The following PCDH15 variants were observed in gnomAD, a reference collection of about 807,000 sequenced individuals.
PCDH15 encodes the protein protocadherin-15.
A neutral mutation model predicts 178.5 loss-of-function variants in PCDH15; 129 were observed. The observed-to-expected ratio is 0.72, with a 90% CI of 0.63 to 0.84. The LOEUF is 0.84. PCDH15 is among the 40% of genes least tolerant of loss of function. PCDH15 has a pLI of 0.00. For missense variants in PCDH15, 2,230 were observed against 2,099.9 expected (o/e 1.06, Z -1.21); for synonymous variants, 800 against 732.0 (o/e 1.09, Z -1.50).
At chr10:54,646,289 C>T (rs974350626) in intron 2 of PCDH15, among the ~76,000 whole-genome samples, 1 of 152,056 alleles carries the variant, frequency 6.6e-6, no homozygotes, top group African/African-American at 2.4e-5. Flanking sequence ...GAATACAAAA[C>T]TCACGTAAAT....
chr10:54,239,002 C>A (rs2054941298), intron 8 of PCDH15, among the ~76,000 whole-genome samples: 2 of 152,060 alleles, frequency 1.3e-5, no homozygotes, highest in African/African-American at 4.8e-5. Context: ...TTCTGCAGTT[C>A]CATTCTGCAT....
chr10:54,531,655 C>G (rs1183142040), intron 2 of PCDH15, among the ~76,000 whole-genome samples: 1 of 152,076 alleles, frequency 6.6e-6, no homozygotes, highest in Non-Finnish European at 1.5e-5. Context: ...TAACGTTGAT[C>G]AATGTGTTTT....
In PCDH15 at chr10:53,999,052, CAAAAAAAAAA is replaced by C. The variant is rs33951115; in HGVS notation, c.2752-3297_2752-3288del. The stretch of plus-strand genomic sequence containing the variant: ...TGGGTGACAGAGTGATACTCAGTCT[CAAAAAAAAAA>C]AAAAAAAAAAAGATATGTATATAGC... On this transcript the variant is annotated intron_variant, in intron 20 of 37. Coordinates refer to ENST00000644397, the MANE Select transcript of PCDH15 (RefSeq NM_001384140.1). Among the ~76,000 whole-genome samples, 4 of 92,510 alleles carry C rather than the reference CAAAAAAAAAA, an allele frequency of 4.3e-5. No homozygotes were observed. In the South Asian group the frequency reaches 1.1e-3, roughly 26 times the overall value. The allele number at this position is 92,510 out of a possible 152,430, so 60.7% of individuals were successfully genotyped here. A position where few individuals can be genotyped will look rare whatever the true frequency, so the allele number is the denominator to read the frequency against.
intron 3 of PCDH15, among the ~76,000 whole-genome samples, chr10:54,514,667 C>CAAAAAA (rs5785078): frequency 8.0e-6 from 1 of 124,390 alleles, no homozygotes; most frequent in African/African-American, 2.9e-5. Context: ...AAATAGACTT[C>CAAAAAA]AAAAAAAAAA....
intron 25 of PCDH15, among the ~76,000 whole-genome samples, 181 bp downstream of exon 25, chr10:53,938,634 T>G (rs954092185): frequency 6.6e-6 from 1 of 152,140 alleles, no homozygotes; most frequent in Admixed American, 6.6e-5. Context: ...TTCAGGAGTA[T>G]GAAATCACTC....
intron 2 of PCDH15, among the ~76,000 whole-genome samples, chr10:55,043,739 T>A (rs896640538): frequency 3.5e-4 from 50 of 143,644 alleles, no homozygotes; most frequent in Admixed American, 1.5e-3. Context: ...AATAAATAAA[T>A]AAAATAAATA....
At chr10:54,752,433 C>T (rs1946378388) in intron 1 of PCDH15, among the ~76,000 whole-genome samples, 1 of 145,536 alleles carries the variant, frequency 6.9e-6, no homozygotes, top group Non-Finnish European at 1.5e-5. Context: ...GCTGAGATCA[C>T]GCCACTGCAC....
chr10:54,243,503 C>T (rs114351711), intron 8 of PCDH15, among the ~76,000 whole-genome samples: 8,193 of 151,098 alleles, frequency 0.054, 576 homozygotes, highest in African/African-American at 0.16. Context: ...CAAGACTCAG[C>T]GTCAAAAAAA....
intron 18 of PCDH15, among the ~76,000 whole-genome samples, chr10:54,043,132 C>T (rs1184668610): frequency 5.9e-5 from 9 of 152,056 alleles, no homozygotes; most frequent in African/African-American, 1.7e-4. Context: ...GGTTTAATGC[C>T]ATATCTGTAT....
intron 37 of PCDH15, chr10:53,809,184 T>G: frequency 6.2e-7 from 1 of 1,613,992 alleles, no homozygotes; most frequent in Non-Finnish European, 8.5e-7. Context: ...ATTCCTCTTC[T>G]GTAGTCTCAG....
chr10:54,872,255 T>C (rs1410139811), intron 3 of PCDH15, among the ~76,000 whole-genome samples: 11 of 152,048 alleles, frequency 7.2e-5, no homozygotes, highest in Non-Finnish European at 1.5e-4. Flanking sequence ...GAGGTGTTCA[T>C]TTATTTCTTT....
chr10:55,537,590 C>G (rs1158505570), intron 2 of PCDH15, among the ~76,000 whole-genome samples: 1 of 152,024 alleles, frequency 6.6e-6, no homozygotes. Context: ...CACGTGCCAT[C>G]ACACCTGGCT....
chr10:54,471,108 T>C (rs914832967), intron 3 of PCDH15, among the ~76,000 whole-genome samples: 1 of 152,230 alleles, frequency 6.6e-6, no homozygotes, highest in Non-Finnish European at 1.5e-5. Context: ...GTATGTTACA[T>C]GTATTGTACA....
intron 2 of PCDH15, among the ~76,000 whole-genome samples, chr10:55,021,189 C>T (rs909783401): frequency 6.6e-6 from 1 of 152,110 alleles, no homozygotes; most frequent in African/African-American, 2.4e-5. Context: ...TTATATCTAA[C>T]CTTTGTTCAG....
intron 29 of PCDH15, among the ~76,000 whole-genome samples, chr10:53,835,118 G>T (rs970836319): frequency 1.3e-5 from 2 of 152,068 alleles, no homozygotes; most frequent in Non-Finnish European, 2.9e-5. Flanking sequence ...GTATTCCATT[G>T]ATTTGGATTT....
intron 2 of PCDH15, among the ~76,000 whole-genome samples, chr10:55,473,198 T>C (rs1839998907): frequency 6.6e-6 from 1 of 152,190 alleles, no homozygotes; most frequent in Admixed American, 6.5e-5. Context: ...GTTTGTGGAA[T>C]TGTTGCAATG....
intron 1 of PCDH15, among the ~76,000 whole-genome samples, chr10:55,251,518 T>C (rs1592021811): frequency 1.3e-5 from 2 of 152,328 alleles, no homozygotes; most frequent in East Asian, 3.9e-4. Context: ...GTCAATATTT[T>C]GTTCCTGTTT....
chr10:55,550,040 T>C (rs1460348778), intron 2 of PCDH15, among the ~76,000 whole-genome samples: 1 of 152,134 alleles, frequency 6.6e-6, no homozygotes, highest in Non-Finnish European at 1.5e-5. Context: ...CCTGGCCCAT[T>C]ATATTGCTAT....
At chr10:54,115,253 T>A (rs1278233567) in intron 15 of PCDH15, among the ~76,000 whole-genome samples, 2 of 152,118 alleles carry the variant, frequency 1.3e-5, no homozygotes, top group Non-Finnish European at 2.9e-5. Context: ...GGCCCAAGAA[T>A]TTGGAAGGAT....
Sources: gnomAD v4.1 joint callset for allele counts (sites outside exome capture counted in the v4.1 genomes callset) on GRCh38, gnomAD v4.1.1 for gene constraint, MANE v1.5 for transcripts, NCBI Gene and HGNC (gene_info 2026-07-23, HGNC 2026-07-21) for gene names.